PKD1L3: variants seen among roughly 807,000 people sequenced by gnomAD.
PKD1L3 encodes the protein polycystin-1-like protein 3.
A neutral mutation model predicts 184.1 loss-of-function variants in PKD1L3; 239 were observed. That is an observed-to-expected ratio of 1.30 (90% CI 1.17 to 1.45). The LOEUF (loss-of-function observed/expected upper bound fraction) is 1.45, where lower values mean the gene tolerates loss of function less well. PKD1L3 is among the 40% of genes most tolerant of loss of function. The probability of loss-of-function intolerance (pLI) is 0.00; values close to 1 mark genes in which losing one functional copy is unlikely to be tolerated. For synonymous variants in PKD1L3, 996 were observed against 778.8 expected (o/e 1.28, Z -4.64); for missense variants, 2,660 against 2,067.2 (o/e 1.29, Z -5.56).
intron 29 of PKD1L3, 138 bp downstream of exon 29, chr16:71,929,914 T>C: frequency 8.6e-7 from 1 of 1,161,166 alleles, no homozygotes; most frequent in Non-Finnish European, 1.2e-6. Context: ...GGAAGATAGC[T>C]GGCAGAGCTT....
chr16:71,945,301 TATATACACACACACAC>T (rs2038541476), intron 22 of PKD1L3, among the ~76,000 whole-genome samples: 1 of 55,694 alleles, frequency 1.8e-5, no homozygotes, highest in African/African-American at 7.5e-5. Context: ...TATATATATA[TATATACACACACACAC>T]ACACATATAT....
chr16:71,990,473 C>A (rs2040545748), intron 3 of PKD1L3, 144 bp from the exon 4 acceptor site: 2 of 599,276 alleles, frequency 3.3e-6, no homozygotes, highest in Non-Finnish European at 2.8e-6. Context: ...TAGCTCATGT[C>A]TGTAATCCCA....
intron 3 of PKD1L3, among the ~76,000 whole-genome samples, chr16:71,991,984 T>A (rs2040607254): frequency 6.6e-6 from 1 of 152,208 alleles, no homozygotes; most frequent in African/African-American, 2.4e-5. Flanking sequence ...TTTTAATTTT[T>A]ATTTTTAAAA....
intron 16 of PKD1L3, among the ~76,000 whole-genome samples, chr16:71,958,796 A>G (rs2143478460): frequency 6.7e-6 from 1 of 149,900 alleles, no homozygotes; most frequent in East Asian, 2.0e-4. Context: ...AAAAAAAAAA[A>G]AAAAAAAAAG....
At chr16:71,967,693 G>A (rs1226276112) in intron 14 of PKD1L3, among the ~76,000 whole-genome samples, 2 of 152,106 alleles carry the variant, frequency 1.3e-5, no homozygotes, top group African/African-American at 4.8e-5. Context: ...TCAAACTCCT[G>A]ACCTTAGGTG....
chr16:72,000,065 A>G lies in PKD1L3; in HGVS notation c.-87T>C. The G allele has an allele frequency of 4.5e-6, 5 of 1,121,676 alleles. No individual in the cohort carries two copies. The highest frequency in any genetic ancestry group is 6.0e-6 in the Non-Finnish European group (5 of 829,802). 69.5% of individuals were successfully genotyped at this position (1,121,676 alleles called of 1,614,324 possible). ...TATATATTGGCGGGCTTGTCTTATT[A>G]GTATTATTCTTTTATGAATTGGGAA... On this transcript the variant is annotated 5_prime_UTR_variant, in exon 1 of 30. Transcript: ENST00000620267.
At chr16:71,934,826 C>A (rs2038118547) in intron 26 of PKD1L3, among the ~76,000 whole-genome samples, 1 of 152,184 alleles carries the variant, frequency 6.6e-6, no homozygotes, top group Non-Finnish European at 1.5e-5. Flanking sequence ...CTGTTGGCCA[C>A]TGATGCAAAG....
At chr16:71,968,617 A>C (rs2039589787) in intron 13 of PKD1L3, among the ~76,000 whole-genome samples, 1 of 152,222 alleles carries the variant, frequency 6.6e-6, no homozygotes. Flanking sequence ...ATTTTTTGAG[A>C]CGGAGTCTTG....
chr16:71,982,132 G>C lies in PKD1L3; in HGVS notation c.1070C>G (p.Pro357Arg), dbSNP rs770278231. Residue 357 changes from proline (P) to arginine (R), a missense_variant, in exon 7 of 30, where the codon CCC becomes CGC. Coordinates refer to ENST00000620267, the MANE Select transcript of PKD1L3 (RefSeq NM_181536.2). Reference sequence around the variant, plus strand: ...GGTGACATTGTTGAGGGAATGAAAGGGGCAGACAGTTGGAGGAACTTTGAA... The same window carrying C: ...GGTGACATTGTTGAGGGAATGAAAGCGGCAGACAGTTGGAGGAACTTTGAA... ...LGFKVPPTVC[P>R]FHSLNNVTKA... 7.1e-6 allele frequency: 11 copies of C among 1,551,970 alleles called. No individual in the cohort carries two copies. The highest frequency in any genetic ancestry group is 5.9e-5 in the Admixed American group (3 of 50,916).
chr16:71,943,624 T>A (rs2038448025), intron 23 of PKD1L3, among the ~76,000 whole-genome samples: 2 of 151,452 alleles, frequency 1.3e-5, no homozygotes, highest in Admixed American at 6.6e-5. Flanking sequence ...CTGTCTCTCA[T>A]GTGATTGTGT....
At chr16:71,956,986 A>G (rs1049470828) in intron 16 of PKD1L3, among the ~76,000 whole-genome samples, 1 of 152,232 alleles carries the variant, frequency 6.6e-6, no homozygotes, top group Non-Finnish European at 1.5e-5. Context: ...CAATAGCACA[A>G]AAGAGTGGGA....
intron 2 of PKD1L3, among the ~76,000 whole-genome samples, chr16:71,994,455 G>T (rs192234639): frequency 2.0e-5 from 3 of 152,082 alleles, no homozygotes; most frequent in Non-Finnish European, 4.4e-5. Context: ...CTTCTCTCAT[G>T]CTGCTACAAA....
In PKD1L3 at chr16:71,986,279, CCTT is replaced by C. The variant is rs1165374755; in HGVS notation, c.773_775del (p.Glu258del). 3.9e-6 allele frequency: 6 copies of C among 1,552,130 alleles called. No homozygotes were observed. Among genetic ancestry groups the C allele is most frequent in the Middle Eastern group, 1.7e-4 (1 of 6,020 alleles). ...ATAAGAGGTGAAGGTATTCGGATGACCTTCTTCCTTTGGGCTTGAAGTTGTTTC... is the reference window on the plus strand; with the variant it reads ...ATAAGAGGTGAAGGTATTCGGATGACCTTCCTTTGGGCTTGAAGTTGTTTC... On this transcript the variant is annotated inframe_deletion, in exon 5 of 30. Transcript: ENST00000620267.
chr16:71,937,886 TAC>T (rs2033506280), intron 24 of PKD1L3, among the ~76,000 whole-genome samples: 1 of 152,222 alleles, frequency 6.6e-6, no homozygotes, highest in African/African-American at 2.4e-5. Flanking sequence ...GTCTTGTGAA[TAC>T]AAACCTTTCA....
chr16:71,980,253 T>C (rs944367083), intron 7 of PKD1L3, 119 bp from the exon 8 acceptor site: 1 of 1,293,864 alleles, frequency 7.7e-7, no homozygotes, highest in Non-Finnish European at 1.0e-6. Flanking sequence ...AAGGGTAGTA[T>C]TCCTTAGAGA....
At position 71,954,291 on chromosome 16, in the gene PKD1L3, A is replaced by G; in HGVS notation, c.2623T>C (p.Ser875Pro). 6.5e-7 allele frequency: 1 copy of G among 1,534,888 alleles called. No individual in the cohort carries two copies. The highest frequency in any genetic ancestry group is 2.5e-5 in the East Asian group (1 of 40,574). The change falls in exon 17 of 30, where the codon TCC (serine) becomes CCC (proline). Residue 875 changes from serine to proline, a missense_variant. Transcript: ENST00000620267. ...GTGAACTTTTCCACAATCATGGAGGAAAACAGATGTCTGAAAAGAGAAATC... is the reference window on the plus strand; with the variant it reads ...GTGAACTTTTCCACAATCATGGAGGGAAACAGATGTCTGAAAAGAGAAATC... ...RELFSFRHLF[S>P]SMIVEKFTQD...
chr16:72,000,018 C>A lies in PKD1L3; in HGVS notation c.-40G>T. The A allele has an allele frequency of 7.0e-7, 1 of 1,432,788 alleles. No homozygotes were observed. The highest frequency in any genetic ancestry group is 2.5e-5 in the Admixed American group (1 of 40,796). The allele number at this position is 1,432,788 out of a possible 1,614,324, so 88.8% of individuals were successfully genotyped here. A position where few individuals can be genotyped will look rare whatever the true frequency, so the allele number is the denominator to read the frequency against. On this transcript the variant is annotated 5_prime_UTR_variant, in exon 1 of 30. Transcript: ENST00000620267. ...AGCAAGAAAAAGTGTGGGGGTTTAG[C>A]AGCTGCCTGGTCCTTTAAATATATA...
At chr16:71,975,045 T>TTA (rs764650816) in intron 11 of PKD1L3, among the ~76,000 whole-genome samples, 13 of 152,048 alleles carry the variant, frequency 8.5e-5, no homozygotes, top group Non-Finnish European at 1.6e-4. Context: ...TGGGCACTAT[T>TTA]TATATATATC....
intron 13 of PKD1L3, among the ~76,000 whole-genome samples, chr16:71,968,950 A>G (rs958749444): frequency 6.7e-6 from 1 of 149,092 alleles, no homozygotes; most frequent in African/African-American, 2.5e-5. Context: ...TTTGAGACAG[A>G]ATCTCACTCT....
Sources: allele counts gnomAD v4.1 joint callset (sites outside exome capture counted in the v4.1 genomes callset), GRCh38; gene constraint gnomAD v4.1.1; transcripts MANE v1.5; gene names NCBI Gene and HGNC (gene_info 2026-07-23, HGNC 2026-07-21).